Variants in SUCLG2 observed in about 807,000 individuals in gnomAD.
SUCLG2 encodes succinate-CoA ligase GDP-forming subunit beta.
In SUCLG2, 42 loss-of-function variants were observed where a neutral mutation model predicts 47.9. The observed-to-expected ratio is 0.88, with a 90% CI of 0.69 to 1.14. The LOEUF is 1.14. SUCLG2 is among the 50% of genes most tolerant of loss of function. The pLI is 0.00. For synonymous variants in SUCLG2, 195 were observed against 197.3 expected (o/e 0.99, Z 0.10); for missense variants, 571 against 525.9 (o/e 1.09, Z -0.84).
At chr3:67,575,907 C>T (rs185239047) in intron 2 of SUCLG2, among the ~76,000 whole-genome samples, 1 of 152,126 alleles carries the variant, frequency 6.6e-6, no homozygotes, top group Non-Finnish European at 1.5e-5. Context: ...ATTCTAGGGG[C>T]AGCTGTTCTC....
intron 10 of SUCLG2, among the ~76,000 whole-genome samples, chr3:67,385,919 G>C (rs1702248285): frequency 6.6e-6 from 1 of 152,136 alleles, no homozygotes; most frequent in Non-Finnish European, 1.5e-5. Context: ...AGCTAATTAG[G>C]TTGGCTACCT....
intron 1 of SUCLG2, among the ~76,000 whole-genome samples, chr3:67,641,672 T>C (rs1701102796): frequency 6.6e-6 from 1 of 152,310 alleles, no homozygotes; most frequent in African/African-American, 2.4e-5. Context: ...ATGTGTGTAT[T>C]AGTATCCTAG....
At chr3:67,439,839 C>T (rs993109815) in intron 9 of SUCLG2, among the ~76,000 whole-genome samples, 1 of 152,166 alleles carries the variant, frequency 6.6e-6, no homozygotes, top group African/African-American at 2.4e-5. Flanking sequence ...CTATCCCCAT[C>T]AAGCTACCAC....
chr3:67,630,361 T>C (rs1056339096), intron 1 of SUCLG2, among the ~76,000 whole-genome samples: 3 of 152,212 alleles, frequency 2.0e-5, no homozygotes, highest in Non-Finnish European at 4.4e-5. Context: ...TAAATACTGA[T>C]GGTCAAGGAC....
chr3:67,396,000 T>A (rs1440945717), intron 10 of SUCLG2, among the ~76,000 whole-genome samples: 1 of 151,876 alleles, frequency 6.6e-6, no homozygotes, highest in Non-Finnish European at 1.5e-5. Context: ...CATACCAGAA[T>A]CTCTGGGACA....
intron 9 of SUCLG2, among the ~76,000 whole-genome samples, chr3:67,447,053 T>C (rs762812876): frequency 6.6e-6 from 1 of 152,216 alleles, no homozygotes; most frequent in African/African-American, 2.4e-5. Flanking sequence ...GAAAATTCAT[T>C]GTTCTCTGGT....
intron 10 of SUCLG2, among the ~76,000 whole-genome samples, chr3:67,394,146 C>G (rs1229026575): frequency 9.2e-5 from 14 of 152,264 alleles, no homozygotes; most frequent in Admixed American, 2.0e-4. Flanking sequence ...CAGTTCCTCA[C>G]CAGCAACAGA....
chr3:67,360,829 C>T (rs746699775), intron 10 of SUCLG2: 133 of 1,329,280 alleles, frequency 1.0e-4, no homozygotes, highest in Non-Finnish European at 1.3e-4. Flanking sequence ...AGATGAACAA[C>T]AACAGTATGG....
At chr3:67,372,996 A>G (rs1348299339), downstream of SUCLG2, among the ~76,000 whole-genome samples, 1 of 152,190 alleles carries the variant, frequency 6.6e-6, no homozygotes, top group African/African-American at 2.4e-5. Context: ...ATAAAACTTA[A>G]TTTACTAAAA....
chr3:67,551,439 T>A (rs1707011808), intron 2 of SUCLG2, among the ~76,000 whole-genome samples: 1 of 152,208 alleles, frequency 6.6e-6, no homozygotes, highest in African/African-American at 2.4e-5. Context: ...GCTGGTGGCC[T>A]TGGAAATCCA....
At chr3:67,472,782 A>G (rs998252557) in intron 9 of SUCLG2, among the ~76,000 whole-genome samples, 8 of 152,300 alleles carry the variant, frequency 5.3e-5, no homozygotes, top group Middle Eastern at 3.4e-3. Flanking sequence ...CAAACATTCA[A>G]TGTAGTCCCA....
chr3:67,475,988 C>CCTCTCTCT (rs113119377), intron 9 of SUCLG2, among the ~76,000 whole-genome samples: 4,351 of 146,072 alleles, frequency 0.03, 97 homozygotes, highest in East Asian at 0.1. Flanking sequence ...TTTCCTTCTC[C>CCTCTCTCT]CTCTCTCTCT....
intron 2 of SUCLG2, among the ~76,000 whole-genome samples, chr3:67,545,669 T>C (rs1381279221): frequency 6.6e-6 from 1 of 152,166 alleles, no homozygotes; most frequent in African/African-American, 2.4e-5. Flanking sequence ...TTTCTCTTTA[T>C]GCCACTTTCT....
intron 9 of SUCLG2, among the ~76,000 whole-genome samples, chr3:67,406,309 G>A (rs532590353): frequency 2.0e-5 from 3 of 152,280 alleles, no homozygotes; most frequent in Non-Finnish European, 2.9e-5. Flanking sequence ...CCCTGTGCTT[G>A]TAGGCAGTAG....
intron 9 of SUCLG2, among the ~76,000 whole-genome samples, chr3:67,415,607 T>C (rs1027284808): frequency 6.6e-6 from 1 of 152,214 alleles, no homozygotes; most frequent in Non-Finnish European, 1.5e-5. Context: ...ACTCTTCTAC[T>C]CTAACACCTT....
chr3:67,525,088 G>A (rs562376501), intron 4 of SUCLG2, among the ~76,000 whole-genome samples: 31 of 152,186 alleles, frequency 2.0e-4, no homozygotes, highest in African/African-American at 5.1e-4. Context: ...TATACCAAAC[G>A]TATATGCTGA....
At chr3:67,400,260 A>G (rs1297631793) in intron 10 of SUCLG2, among the ~76,000 whole-genome samples, 3 of 151,780 alleles carry the variant, frequency 2.0e-5, no homozygotes, top group Non-Finnish European at 4.4e-5. Flanking sequence ...TATATAAAAT[A>G]TACCATAAAA....
At chr3:67,535,636 A>G (rs938250503) in intron 2 of SUCLG2, among the ~76,000 whole-genome samples, 1 of 152,192 alleles carries the variant, frequency 6.6e-6, no homozygotes, top group Non-Finnish European at 1.5e-5. Context: ...ACTCTTTTAC[A>G]GCAACACTAA....
At chr3:67,363,926 T>C (rs1701841717) in intron 10 of SUCLG2, among the ~76,000 whole-genome samples, 1 of 151,988 alleles carries the variant, frequency 6.6e-6, no homozygotes, top group Admixed American at 6.6e-5. Flanking sequence ...CACAACACAG[T>C]GGTGAGTTCC....
Sources: gnomAD v4.1 joint callset for allele counts (sites outside exome capture counted in the v4.1 genomes callset) on GRCh38, gnomAD v4.1.1 for gene constraint, MANE v1.5 for transcripts, NCBI Gene and HGNC (gene_info 2026-07-23, HGNC 2026-07-21) for gene names.